VAT1: variants seen among roughly 807,000 people sequenced by gnomAD.
The protein encoded by VAT1 is vesicle amine transport 1, also known as NADPH-dependent quinone oxidoreductase VAT1.
Under a neutral mutation model 33.3 loss-of-function variants are expected in VAT1, and 24 were observed. That is an observed-to-expected ratio of 0.72 (90% CI 0.52 to 1.01). The LOEUF (loss-of-function observed/expected upper bound fraction) is 1.01. Ranked by LOEUF, VAT1 falls within the 50% of genes least tolerant of loss-of-function variation. The pLI is 0.00. For synonymous variants in VAT1, 212 were observed against 225.0 expected, an observed-to-expected ratio of 0.94 and a Z score of 0.52; for missense variants, 436 against 533.7, an observed-to-expected ratio of 0.82 and a Z score of 1.80.
Position 43,016,508 on chromosome 17 carries a change from C to T in VAT1, c.897G>A (p.Met299Ile). 2 of 1,613,924 alleles carry T rather than the reference C, an allele frequency of 1.2e-6. No individual in the cohort carries two copies. Among genetic ancestry groups the T allele is most frequent in the Non-Finnish European group, 1.7e-6 (2 of 1,180,012 alleles). The change falls in exon 5 of 6, where the codon ATG (methionine) becomes ATA (isoleucine). Residue 299 changes from methionine to isoleucine, a missense_variant. This residue lies in a region of VAT1 where 282 missense variants were observed against 405.4 expected (regional missense o/e 0.70). Coordinates refer to ENST00000355653, the MANE Select transcript of VAT1 (RefSeq NM_006373.4). ...GATTCCACCATGTCCGGGCCAGGGCCATCAGGTTCCGTTTGGGGCCCGTCA... is the reference window on the plus strand; with the variant it reads ...GATTCCACCATGTCCGGGCCAGGGCTATCAGGTTCCGTTTGGGGCCCGTCA... ...NLLTGPKRNL[M>I]ALARTWWNQF... is the part of the protein sequence containing the mutation.
intron 1 of VAT1, among the ~76,000 whole-genome samples, chr17:43,020,985 T>A (rs1018401596): frequency 6.6e-6 from 1 of 151,940 alleles, no homozygotes; most frequent in African/African-American, 2.4e-5. Context: ...TTGAGCTCTC[T>A]GGTGTCCAGG....
At chr17:43,020,890 A>G (rs12950717) in intron 1 of VAT1, among the ~76,000 whole-genome samples, 47,940 of 139,248 alleles carry the variant, frequency 0.34, 8,932 homozygotes, top group South Asian at 0.49. Context: ...AAAAAAAAAA[A>G]AAAAAGAAAA....
rs745950692 is a variant in VAT1, at chr17:43,016,283, T to C, written c.1098+24A>G. 8.1e-6 allele frequency: 13 copies of C among 1,606,832 alleles called. No individual in the cohort carries two copies. The South Asian group carries it at 1.4e-4, about 18-fold the overall frequency. On this transcript the variant is annotated intron_variant, in intron 5 of 5. Transcript: ENST00000355653. ...GCCTTCATGAGTCCTACCCAAGCCC[T>C]CCCTGCAAAGTCCTCACATTCACCT... is the stretch of plus-strand genomic sequence containing the variant.
At chr17:43,017,698 G>C (rs2050532206) in intron 4 of VAT1, 143 bp downstream of exon 4, 2 of 671,694 alleles carry the variant, frequency 3.0e-6, no homozygotes, top group South Asian at 3.8e-5. Flanking sequence ...GCAGCATACA[G>C]GACCATTCCT....
intron 5 of VAT1, 28 bp from the exon 6 acceptor site, chr17:43,016,172 C>T (rs1311821122): frequency 1.2e-6 from 2 of 1,613,926 alleles, no homozygotes; most frequent in African/African-American, 1.3e-5. Flanking sequence ...ATGCGGCTCC[C>T]AGTGCTATCC....
chr17:43,021,917 C>T lies in VAT1; in HGVS notation c.387+19G>A. On this transcript the variant is annotated intron_variant, in intron 1 of 5. Transcript: ENST00000355653. The stretch of plus-strand genomic sequence containing the variant: ...CAGTGGCCTGCGCAGCCCTGCCCTG[C>T]CCTACGCAACCCGCTCACCTTGCGG... 6.2e-7 allele frequency: 1 copy of T among 1,609,632 alleles called. No individual in the cohort carries two copies. Among genetic ancestry groups the T allele is most frequent in the Non-Finnish European group, 8.5e-7 (1 of 1,179,426 alleles).
chr17:43,018,496 G>A (rs1043644478), intron 2 of VAT1, 96 bp downstream of exon 2: 1 of 1,384,052 alleles, frequency 7.2e-7, no homozygotes, highest in African/African-American at 1.4e-5. Context: ...AGGCAGCCTG[G>A]TGTTGCCATG....
intron 1 of VAT1, among the ~76,000 whole-genome samples, chr17:43,020,522 G>A (rs568010705): frequency 1.3e-5 from 2 of 152,246 alleles, no homozygotes; most frequent in Admixed American, 6.5e-5. Flanking sequence ...CTCCAGAATT[G>A]GGCTGGCAGG....
chr17:43,020,256 C>T, intron 1 of VAT1: 1 of 985,446 alleles, frequency 1.0e-6, no homozygotes, highest in Non-Finnish European at 1.2e-6. Flanking sequence ...CCGCAGAATC[C>T]AGGCTCTTAC....
At position 43,022,372 on chromosome 17, in the gene VAT1, G is replaced by A. The variant is rs1273281614; in HGVS notation, c.-50C>T. ...ACAGCTGGATGGAGAGTGCACAGCT[G>A]GGGAAGGCGGAACGCGTCGGGAAGA... On this transcript the variant is annotated 5_prime_UTR_variant, in exon 1 of 6. Transcript: ENST00000355653. The A allele has an allele frequency of 1.4e-6, 2 of 1,468,146 alleles. No homozygotes were observed. The highest frequency in any genetic ancestry group is 1.5e-5 in the African/African-American group (1 of 67,878). 90.9% of individuals were successfully genotyped at this position (1,468,146 alleles called of 1,614,324 possible).
intron 1 of VAT1, among the ~76,000 whole-genome samples, chr17:43,021,499 G>A (rs1229545682): frequency 6.6e-6 from 1 of 151,170 alleles, no homozygotes; most frequent in African/African-American, 2.4e-5. Flanking sequence ...CGACGACATA[G>A]CCCCTCAAGC....
chr17:43,020,817 G>T (rs2050560058), intron 1 of VAT1, among the ~76,000 whole-genome samples: 1 of 150,672 alleles, frequency 6.6e-6, no homozygotes, highest in Non-Finnish European at 1.5e-5. Context: ...AGAGGTTGCG[G>T]TGAGCCGAGA....
At chr17:43,021,842 T>C in intron 1 of VAT1, 94 bp downstream of exon 1, 1 of 1,519,330 alleles carries the variant, frequency 6.6e-7, no homozygotes, top group Admixed American at 2.0e-5. Context: ...CGCGCCAGTT[T>C]CTCCCGCCCT....
Position 43,018,765 on chromosome 17 carries a change from C to G in VAT1, c.422G>C (p.Gly141Ala). The G allele has an allele frequency of 6.2e-7, 1 of 1,614,110 alleles. No individual in the cohort carries two copies. Among genetic ancestry groups the G allele is most frequent in the South Asian group, 1.1e-5 (1 of 91,080 alleles). Residue 141 changes from glycine to alanine, a missense_variant, in exon 2 of 6, where the codon GGG becomes GCG. By Grantham distance (60) the Gly-to-Ala change is moderately conservative. This residue lies in a region of VAT1 where 282 missense variants were observed against 405.4 expected (regional missense o/e 0.70). Coordinates refer to ENST00000355653, the MANE Select transcript of VAT1 (RefSeq NM_006373.4). ...CACAGTCACCTCTTCCTGCCACATC[C>G]CTGACCGGTTCAACACCATCACCCG... ...GDRVMVLNRS[G>A]MWQEEVTVPS...
intron 1 of VAT1, among the ~76,000 whole-genome samples, chr17:43,021,376 G>A (rs992200570): frequency 6.6e-6 from 1 of 152,176 alleles, no homozygotes; most frequent in Admixed American, 6.5e-5. Context: ...TCCGTGATGG[G>A]CGTGTCTCGT....
In VAT1 at chr17:43,016,479, A is replaced by G; in HGVS notation, c.926T>C (p.Phe309Ser). 1 of 1,614,172 alleles carries G rather than the reference A, an allele frequency of 6.2e-7. No individual in the cohort carries two copies. ...MALARTWWNQ[F>S]SVTALQLLQA... The stretch of plus-strand genomic sequence containing the variant: ...CAGCAGCTGCAGAGCTGTCACGCTG[A>G]ACTGATTCCACCATGTCCGGGCCAG... Residue 309 changes from phenylalanine to serine, a missense_variant, in exon 5 of 6, where the codon TTC becomes TCC. By Grantham distance (155) the Phe-to-Ser change is radical. Transcript: ENST00000355653.
chr17:43,021,826 C>G, intron 1 of VAT1, 110 bp downstream of exon 1: 1 of 1,494,896 alleles, frequency 6.7e-7, no homozygotes, highest in East Asian at 2.5e-5. Context: ...CTCGTGCACC[C>G]AGGTCCGCGC....
rs752858777 is a variant in VAT1 at position 43,022,239 on chromosome 17, G to T, written c.84C>A (p.Asp28Glu). The change falls in exon 1 of 6, where the codon GAC becomes GAA. Residue 28 changes from aspartate to glutamate, a missense_variant. Asp to Glu is a conservative substitution (Grantham distance 45). Transcript: ENST00000355653. ...SPPPKTEAAS[D>E]PQHPAASEGA... Reference sequence around the variant, plus strand: ...CTTCGGAGGCCGCGGGATGCTGGGGGTCGCTCGCTGCCTCGGTTTTCGGAG... The same window carrying T: ...CTTCGGAGGCCGCGGGATGCTGGGGTTCGCTCGCTGCCTCGGTTTTCGGAG... 1.3e-6 allele frequency: 2 copies of T among 1,576,708 alleles called. No individual in the cohort carries two copies. The highest frequency in any genetic ancestry group is 1.7e-6 in the Non-Finnish European group (2 of 1,161,874).
At chr17:43,020,339 G>A (rs925941174) in intron 1 of VAT1, 69 of 980,266 alleles carry the variant, frequency 7.0e-5, no homozygotes, top group African/African-American at 4.4e-4. Context: ...GGTGAGGTGG[G>A]TGGCCTTCAG....
Sources: gnomAD v4.1 joint callset for allele counts (sites outside exome capture counted in the v4.1 genomes callset) on GRCh38, gnomAD v4.1.1 for gene constraint, gnomAD v4.1.1 regional missense constraint, MANE v1.5 for transcripts, NCBI Gene and HGNC (gene_info 2026-07-23, HGNC 2026-07-21) for gene names.